Variants in HNRNPR observed in about 807,000 individuals in gnomAD.
The protein encoded by HNRNPR is heterogeneous nuclear ribonucleoprotein R.
In HNRNPR, 4 loss-of-function variants were observed where a neutral mutation model predicts 70.3. The ratio of observed to expected loss-of-function variants is 0.06; its 90% CI spans 0.03 to 0.13. HNRNPR has a LOEUF of 0.13. Among genes scored for constraint, HNRNPR ranks in the 10% least tolerant of loss-of-function variants. The probability of loss-of-function intolerance (pLI) is 1.00; values close to 1 mark genes in which losing one functional copy is unlikely to be tolerated. For missense variants in HNRNPR, 423 were observed against 788.5 expected, an observed-to-expected ratio of 0.54 and a Z score of 5.55; for synonymous variants, 241 against 267.6, an observed-to-expected ratio of 0.90 and a Z score of 0.97.
At chr1:23,314,816 GCC>G (rs1645467852) in intron 8 of HNRNPR, among the ~76,000 whole-genome samples, 1 of 152,024 alleles carries the variant, frequency 6.6e-6, no homozygotes, top group East Asian at 1.9e-4. Context: ...CTACCCTTTG[GCC>G]CACAATTCTA....
intron 4 of HNRNPR, among the ~76,000 whole-genome samples, chr1:23,335,715 G>C (rs956969783): frequency 6.6e-6 from 1 of 152,056 alleles, no homozygotes; most frequent in South Asian, 2.1e-4. Context: ...AACAAGCTCA[G>C]GGATCCCACT....
intron 5 of HNRNPR, among the ~76,000 whole-genome samples, chr1:23,332,450 C>T (rs1218686588): frequency 6.6e-6 from 1 of 150,644 alleles, no homozygotes; most frequent in African/African-American, 2.4e-5. Flanking sequence ...CGCCTGTAAT[C>T]CCAGCACTTT....
intron 5 of HNRNPR, among the ~76,000 whole-genome samples, chr1:23,328,110 T>A (rs562111333): frequency 6.6e-6 from 1 of 152,156 alleles, no homozygotes; most frequent in South Asian, 2.1e-4. Context: ...TCAACATATC[T>A]GAAGAACAGC....
At position 23,318,654 on chromosome 1, in the gene HNRNPR, G is replaced by A. The variant is rs749643070; in HGVS notation, c.846C>T (p.Pro282=). 1.1e-5 allele frequency: 17 copies of A among 1,613,932 alleles called. No individual in the cohort carries two copies. Among genetic ancestry groups the A allele is most frequent in the East Asian group, 4.5e-5 (2 of 44,890 alleles). The stretch of plus-strand genomic sequence containing the variant: ...ACCCCCGATTCTTCTTTTTGTCATC[G>A]GGTTGATGATAGAGAATAACGTCCA... ...GLVDVILYHQ[P]DDKKKNRGFC... Residue 282 remains proline, a synonymous_variant, in exon 8 of 11, where the codon CCC becomes CCT. Coordinates refer to ENST00000302271, the MANE Select transcript of HNRNPR (RefSeq NM_005826.5). This position sits in a 1 kb window ranked among gnomAD's most constrained non-coding sequence, Gnocchi z 4.2.
chr1:23,334,470 T>G (rs1003110899), intron 4 of HNRNPR, among the ~76,000 whole-genome samples: 1 of 150,518 alleles, frequency 6.6e-6, no homozygotes, highest in Non-Finnish European at 1.5e-5. Context: ...TCTCCTGATC[T>G]CGTGATCCAC....
chr1:23,317,392 A>G (rs1204010291), intron 8 of HNRNPR, among the ~76,000 whole-genome samples: 1 of 151,938 alleles, frequency 6.6e-6, no homozygotes, highest in African/African-American at 2.4e-5. Flanking sequence ...CAGGAGGCAG[A>G]GCTTGCCGTG....
In HNRNPR at chr1:23,318,941, C is replaced by T. The variant is rs1645650612; in HGVS notation, c.812-253G>A. On this transcript the variant is annotated intron_variant, in intron 7 of 10. Transcript: ENST00000302271. This position sits in a 1 kb window ranked among gnomAD's most constrained non-coding sequence, Gnocchi z 4.2. Reference sequence around the variant, plus strand: ...AAATCTACTATATTCTGACATTTAACATGCTACAATGTTTTAGAGCGTTTG... The same window carrying T: ...AAATCTACTATATTCTGACATTTAATATGCTACAATGTTTTAGAGCGTTTG... 6.6e-6 allele frequency among the ~76,000 whole-genome samples: 1 copy of T among 152,184 alleles called. No individual in the cohort carries two copies. The highest frequency in any genetic ancestry group is 1.9e-4 in the East Asian group (1 of 5,198).
chr1:23,336,205 C>T (rs1034014339), intron 4 of HNRNPR, among the ~76,000 whole-genome samples: 85 of 151,064 alleles, frequency 5.6e-4, no homozygotes, highest in Middle Eastern at 3.4e-3. Flanking sequence ...GTAGGCAGAT[C>T]CCCCAAGGTC....
Position 23,305,641 on chromosome 1 carries a change from C to A in HNRNPR, c.*4813G>T, listed in dbSNP as rs1029379621. On this transcript the variant is annotated 3_prime_UTR_variant, in exon 11 of 11. Transcript: ENST00000302271. ...TTACTAAATTTAATTTCAATCTATA[C>A]CTTACCATCATGGAATCCCCTACAA... The A allele has an allele frequency of 6.6e-6, 1 of 152,068 alleles. No individual in the cohort carries two copies. The highest frequency in any genetic ancestry group is 2.4e-5 in the African/African-American group (1 of 41,404). The allele number at this position is 152,068 out of a possible 1,614,324, so 9.4% of individuals were successfully genotyped here.
chr1:23,337,885 A>G (rs772911204), intron 3 of HNRNPR, 24 bp from the exon 4 acceptor site: 63 of 1,391,012 alleles, frequency 4.5e-5, no homozygotes, highest in Middle Eastern at 1.8e-4. Context: ...GTAATTCAAT[A>G]AAAAGAATCA....
chr1:23,318,745 T>TTA lies in HNRNPR; in HGVS notation c.812-59_812-58dup, dbSNP rs1488564372. ...AAAGCATCCACCACACATCTAGCGA[T>TTA]TAGGCAGACCTAAATCCACTTGACG... On this transcript the variant is annotated intron_variant, in intron 7 of 10. Coordinates refer to ENST00000302271, the MANE Select transcript of HNRNPR (RefSeq NM_005826.5). This position sits in a 1 kb window ranked among gnomAD's most constrained non-coding sequence, Gnocchi z 4.2. 4 of 1,553,860 alleles carry TTA rather than the reference T, an allele frequency of 2.6e-6. No homozygotes were observed. In the Admixed American group the frequency reaches 7.1e-5, roughly 28 times the overall value.
At chr1:23,316,432 G>C (rs995353379) in intron 8 of HNRNPR, among the ~76,000 whole-genome samples, 84 of 152,246 alleles carry the variant, frequency 5.5e-4, no homozygotes, top group African/African-American at 1.9e-3. Flanking sequence ...ATGAAATCTT[G>C]AAGTTTTCTA....
At chr1:23,327,757 G>A (rs1410253192) in intron 5 of HNRNPR, among the ~76,000 whole-genome samples, 3 of 151,958 alleles carry the variant, frequency 2.0e-5, no homozygotes, top group Non-Finnish European at 2.9e-5. Flanking sequence ...ATGTTAAGAA[G>A]AAGGAAAAAA....
At chr1:23,336,571 CAAAAAAAAAAA>C (rs869203047) in intron 4 of HNRNPR, among the ~76,000 whole-genome samples, 8 of 41,180 alleles carry the variant, frequency 1.9e-4, no homozygotes, top group Non-Finnish European at 2.1e-4. Context: ...GACTCCGTCT[CAAAAAAAAAAA>C]AAAAAAAAAA....
At chr1:23,311,137 A>G in intron 10 of HNRNPR, 64 bp downstream of exon 10, 1 of 1,609,210 alleles carries the variant, frequency 6.2e-7, no homozygotes, top group East Asian at 2.2e-5. Flanking sequence ...TTGTTTTATT[A>G]ATCTGATCTC....
chr1:23,323,658 A>T lies in HNRNPR; in HGVS notation c.573T>A (p.Ile191=), dbSNP rs889888692. ...GATCCATCATAAGACGTAGATCCCA[A>T]ATGGGTCCGGCCTTCTCAAAAAGGG... ...LVPLFEKAGP[I]WDLRLMMDPL... Residue 191 remains isoleucine, a synonymous_variant, in exon 6 of 11, where the codon ATT becomes ATA. Coordinates refer to ENST00000302271, the MANE Select transcript of HNRNPR (RefSeq NM_005826.5). The T allele has an allele frequency of 1.5e-5, 24 of 1,613,998 alleles. No individual in the cohort carries two copies. Among genetic ancestry groups the T allele is most frequent in the Admixed American group, 5.0e-5 (3 of 59,998 alleles).
At chr1:23,314,785 T>A (rs1362141135) in intron 8 of HNRNPR, among the ~76,000 whole-genome samples, 1 of 152,190 alleles carries the variant, frequency 6.6e-6, no homozygotes, top group Admixed American at 6.5e-5. Flanking sequence ...TATGGCAGTA[T>A]CTTAACAATT....
At chr1:23,336,988 A>C (rs1409982666) in intron 4 of HNRNPR, among the ~76,000 whole-genome samples, 1 of 152,188 alleles carries the variant, frequency 6.6e-6, no homozygotes, top group Admixed American at 6.5e-5. Flanking sequence ...ATGTTAATTC[A>C]TTTACTCCTT....
At position 23,321,742 on chromosome 1, in the gene HNRNPR, A is replaced by G. The variant is rs944320258; in HGVS notation, c.676-79T>C. On this transcript the variant is annotated intron_variant, in intron 6 of 10. Transcript: ENST00000302271. ...TGATCTTAATCTAAAAAATTCAACAATTTAAGGCCAAACGCTCCCTGCTTC... is the reference window on the plus strand; with the variant it reads ...TGATCTTAATCTAAAAAATTCAACAGTTTAAGGCCAAACGCTCCCTGCTTC... 60 of 1,432,830 alleles carry G rather than the reference A, an allele frequency of 4.2e-5. No individual in the cohort carries two copies. In the African/African-American group the frequency reaches 8.0e-4, roughly 19 times the overall value. The allele number at this position is 1,432,830 out of a possible 1,614,324, so 88.8% of individuals were successfully genotyped here.
Sources: gnomAD v4.1 joint callset for allele counts (sites outside exome capture counted in the v4.1 genomes callset) on GRCh38, gnomAD v4.1.1 for gene constraint, Gnocchi (gnomAD v3.1) non-coding constraint, MANE v1.5 for transcripts, NCBI Gene and HGNC (gene_info 2026-07-23, HGNC 2026-07-21) for gene names.